The following ERC1 variants were observed in gnomAD, a reference collection of about 807,000 sequenced individuals.
ERC1 encodes ELKS/RAB6-interacting/CAST family member 1, also known as RAB6 interacting protein 2.
ERC1 carries 56 observed loss-of-function variants against 132.0 expected under a neutral mutation model. That is an observed-to-expected ratio of 0.42 (90% CI 0.34 to 0.53). ERC1 has a LOEUF of 0.53. Ranked by LOEUF, ERC1 falls within the 20% of genes least tolerant of loss-of-function variation. The pLI is 0.03. For synonymous variants in ERC1, 478 were observed against 476.1 expected, an observed-to-expected ratio of 1.00 and a Z score of -0.05; for missense variants, 1,202 against 1,349.9, an observed-to-expected ratio of 0.89 and a Z score of 1.72.
At chr12:1,211,538 T>G (rs1017243636) in intron 12 of ERC1, among the ~76,000 whole-genome samples, 3 of 152,076 alleles carry the variant, frequency 2.0e-5, no homozygotes, top group African/African-American at 4.8e-5. Flanking sequence ...ATCATAATGA[T>G]ATAACTTGGA....
chr12:1,299,210 C>G (rs1266108803), intron 15 of ERC1, among the ~76,000 whole-genome samples: 1 of 152,110 alleles, frequency 6.6e-6, no homozygotes, highest in Admixed American at 6.5e-5. Context: ...CATCTAACAA[C>G]TGAAGAAAAT....
At chr12:1,091,421 C>G (rs1006738274) in intron 3 of ERC1, among the ~76,000 whole-genome samples, 1 of 152,116 alleles carries the variant, frequency 6.6e-6, no homozygotes, top group East Asian at 1.9e-4. Context: ...GAAGCATTAA[C>G]AGTTTTAAAG....
intron 1 of ERC1, among the ~76,000 whole-genome samples, chr12:1,023,281 A>G (rs1966640317): frequency 6.6e-6 from 1 of 152,200 alleles, no homozygotes. Context: ...AGCAACAGGA[A>G]TTGTATTGTT....
chr12:1,333,017 T>TTCTTCCTGATCC (rs2082986047), intron 15 of ERC1, among the ~76,000 whole-genome samples: 1 of 101,466 alleles, frequency 9.9e-6, no homozygotes, highest in East Asian at 3.4e-4. Flanking sequence ...TACTTTATAA[T>TTCTTCCTGATCC]TCGTCCTGAT....
chr12:1,413,904 G>A (rs1050332989), intron 17 of ERC1, among the ~76,000 whole-genome samples: 5 of 152,180 alleles, frequency 3.3e-5, no homozygotes, highest in East Asian at 1.9e-4. Context: ...ACCAGGAACC[G>A]GTTTCGTGGA....
At chr12:1,463,386 T>A (rs2093679790) in intron 18 of ERC1, among the ~76,000 whole-genome samples, 1 of 152,138 alleles carries the variant, frequency 6.6e-6, no homozygotes, top group African/African-American at 2.4e-5. Flanking sequence ...GGACAGGGCC[T>A]GAGGGGCAGC....
At chr12:1,043,927 C>G (rs1416974865) in intron 2 of ERC1, among the ~76,000 whole-genome samples, 1 of 152,164 alleles carries the variant, frequency 6.6e-6, no homozygotes, top group Non-Finnish European at 1.5e-5. Flanking sequence ...AACATACATA[C>G]TATTTTATTA....
intron 2 of ERC1, among the ~76,000 whole-genome samples, chr12:1,059,642 C>T (rs996743217): frequency 6.6e-5 from 10 of 151,956 alleles, no homozygotes; most frequent in East Asian, 1.9e-4. Context: ...TTACATTTAT[C>T]GTTTTGTGTA....
At position 1,440,453 on chromosome 12, in the gene ERC1, T is replaced by A. The variant is rs113953605; in HGVS notation, c.3025-4109T>A. Among the ~76,000 whole-genome samples, 412 of 145,104 alleles carry A rather than the reference T, an allele frequency of 2.8e-3. 3 individuals are homozygous for A. The highest frequency in any genetic ancestry group is 3.8e-3 in the Non-Finnish European group (256 of 67,232). On this transcript the variant is annotated intron_variant, in intron 17 of 18. Transcript: ENST00000360905. ...GATCTCCTGACCTCGTGATCTGCCC[T>A]CCTTGGCCTCCCAAAGTGCTGCGAT...
chr12:1,001,574 C>T (rs1214375425), intron 1 of ERC1, among the ~76,000 whole-genome samples: 4 of 152,054 alleles, frequency 2.6e-5, no homozygotes. Flanking sequence ...GAATCACCTT[C>T]TTTTTTTGTG....
At chr12:1,159,890 T>C (rs2154260074) in intron 8 of ERC1, among the ~76,000 whole-genome samples, 1 of 152,298 alleles carries the variant, frequency 6.6e-6, no homozygotes, top group Middle Eastern at 3.4e-3. Context: ...ATATAATAGC[T>C]ACTTAAGGAT....
intron 17 of ERC1, among the ~76,000 whole-genome samples, chr12:1,421,007 TTTTATG>T (rs1358435589): frequency 6.6e-6 from 1 of 152,066 alleles, no homozygotes; most frequent in African/African-American, 2.4e-5. Flanking sequence ...CATCTAATAA[TTTTATG>T]TTTATAGGGT....
At chr12:1,039,329 C>T (rs1969732496) in intron 2 of ERC1, among the ~76,000 whole-genome samples, 2 of 133,688 alleles carry the variant, frequency 1.5e-5, no homozygotes, top group South Asian at 2.3e-4. Flanking sequence ...CAGAGCGAGA[C>T]GTTGTCTCAA....
chr12:1,143,088 C>T (rs370498847), intron 8 of ERC1, among the ~76,000 whole-genome samples: 2 of 152,156 alleles, frequency 1.3e-5, no homozygotes, highest in East Asian at 1.9e-4. Context: ...TTAGTAGAAA[C>T]GGGGTTTTAC....
intron 18 of ERC1, among the ~76,000 whole-genome samples, chr12:1,481,497 C>T (rs2094091512): frequency 6.6e-6 from 1 of 152,182 alleles, no homozygotes; most frequent in Non-Finnish European, 1.5e-5. Context: ...GAGATTCTTT[C>T]AAGCCAAGAA....
intron 12 of ERC1, among the ~76,000 whole-genome samples, chr12:1,202,815 C>G (rs1403691118): frequency 6.6e-6 from 1 of 152,184 alleles, no homozygotes; most frequent in African/African-American, 2.4e-5. Context: ...TAAAAACTTG[C>G]ATACAAAGAA....
chr12:1,299,942 C>G (rs2080262160), intron 15 of ERC1, among the ~76,000 whole-genome samples: 1 of 152,102 alleles, frequency 6.6e-6, no homozygotes, highest in Non-Finnish European at 1.5e-5. Context: ...GAAAAGTGAG[C>G]AGGCCTTTAT....
chr12:1,295,655 G>A lies in ERC1; in HGVS notation c.2780+5643G>A, dbSNP rs80140778. Among the ~76,000 whole-genome samples the A allele has an allele frequency of 9.6e-4, 146 of 152,112 alleles. No homozygotes were observed. The East Asian group carries it at 0.025, about 26-fold the overall frequency. ...TAATATAAGGCCTACTCTAGACCCA[G>A]GCTAAGACTAGTAAAAGAAGGCCCC... On this transcript the variant is annotated intron_variant, in intron 15 of 18. Transcript: ENST00000360905.
intron 15 of ERC1, among the ~76,000 whole-genome samples, chr12:1,321,417 T>A (rs1370177863): frequency 1.3e-5 from 2 of 152,208 alleles, no homozygotes; most frequent in Non-Finnish European, 2.9e-5. Context: ...GTTGTATTCA[T>A]ACAATGCGGA....
Sources: allele counts gnomAD v4.1 joint callset (sites outside exome capture counted in the v4.1 genomes callset), GRCh38; gene constraint gnomAD v4.1.1; transcripts MANE v1.5; gene names NCBI Gene and HGNC (gene_info 2026-07-23, HGNC 2026-07-21).